FBXO11: variants seen among roughly 807,000 people sequenced by gnomAD.
FBXO11 encodes the protein F-box protein 11.
Under a neutral mutation model 117.0 loss-of-function variants are expected in FBXO11, and 13 were observed. The ratio of observed to expected loss-of-function variants is 0.11; its 90% confidence interval spans 0.07 to 0.18. FBXO11 has a LOEUF of 0.18. FBXO11 is among the 10% of genes least tolerant of loss of function. The probability of loss-of-function intolerance (pLI) is 1.00; values close to 1 mark genes in which losing one functional copy is unlikely to be tolerated. For missense variants in FBXO11, 767 were observed against 1,164.4 expected (o/e 0.66, Z 4.97); for synonymous variants, 490 against 380.5 (o/e 1.29, Z -3.35).
intron 1 of FBXO11, among the ~76,000 whole-genome samples, chr2:47,869,493 C>T (rs941241273): frequency 6.6e-6 from 1 of 152,192 alleles, no homozygotes; most frequent in Admixed American, 6.5e-5. Flanking sequence ...TTAGCAGTAC[C>T]ATGCCCTCTA....
rs189483536 is a variant in FBXO11 at position 47,851,342 on chromosome 2, T to C, written c.233-11573A>G. 3.2e-3 allele frequency among the ~76,000 whole-genome samples: 487 copies of C among 152,214 alleles called. 3 individuals carry two copies. The highest frequency in any genetic ancestry group is 4.7e-3 in the Non-Finnish European group (317 of 68,022). On this transcript the variant is annotated intron_variant, in intron 1 of 22. Coordinates refer to ENST00000403359, the MANE Select transcript of FBXO11 (RefSeq NM_001190274.2). ...GCCAGGTTCAAGCGATTCTCCTGCC[T>C]CAGCCTCCCAAGTAGCTGGGACTAC...
intron 4 of FBXO11, 82 bp downstream of exon 4, chr2:47,838,777 C>T (rs534221158): frequency 2.2e-5 from 29 of 1,342,348 alleles, no homozygotes; most frequent in African/African-American, 1.2e-4. Context: ...ACCAACTCAC[C>T]GCACCGACTT....
chr2:47,819,100 TATA>T (rs1387480031), intron 14 of FBXO11, 22 bp from the exon 15 acceptor site: 4 of 1,608,566 alleles, frequency 2.5e-6, no homozygotes, highest in East Asian at 4.5e-5. Context: ...TTACACTGGT[TATA>T]ATATTTATCT....
rs1291866768 is a variant in FBXO11 at position 47,905,546 on chromosome 2, G to C, written c.175C>G (p.Pro59Ala). 2.4e-6 allele frequency: 3 copies of C among 1,243,076 alleles called. No individual in the cohort carries two copies. The highest frequency in any genetic ancestry group is 2.0e-6 in the Non-Finnish European group (2 of 996,454). 77.0% of individuals were successfully genotyped at this position (1,243,076 alleles called of 1,614,324 possible). ...PQQQQQQQPP[P>A]PPPPPPPLPQ... is the part of the protein sequence containing the mutation. ...AGCGGCGGAGGCGGCGGTGGCGGCG[G>C]CGGAGGCTGCTGCTGCTGCTGCTGC... is the stretch of plus-strand genomic sequence containing the variant. Residue 59 changes from proline to alanine, a missense_variant, in exon 1 of 23, where the codon CCG becomes GCG. Physicochemically the swap from Pro to Ala is conservative, Grantham distance 27. Around this residue, in one of 10 missense-constraint regions of FBXO11, gnomAD observed 355 missense variants for 299.8 expected, o/e 1.18. Transcript: ENST00000403359.
chr2:47,905,604 C>A lies in FBXO11; in HGVS notation c.117G>T (p.Gln39His). ...QQPPPQPPQQ[Q>H]PPQQQPPPPP... Reference sequence around the variant, plus strand: ...GCGGCGGAGGCTGCTGCTGGGGCGGCTGCTGCTGGGGCGGCTGCGGCGGCG... The same window carrying A: ...GCGGCGGAGGCTGCTGCTGGGGCGGATGCTGCTGGGGCGGCTGCGGCGGCG... Residue 39 changes from glutamine to histidine, a missense_variant, in exon 1 of 23, where the codon CAG (glutamine) becomes CAT (histidine). This residue lies in a region of FBXO11 where 355 missense variants were observed against 299.8 expected (regional missense o/e 1.18). Transcript: ENST00000403359. 1 of 1,315,360 alleles carries A rather than the reference C, an allele frequency of 7.6e-7. No individual in the cohort carries two copies. The allele number at this position is 1,315,360 out of a possible 1,614,324, so 81.5% of individuals were successfully genotyped here. A position where few individuals can be genotyped will look rare whatever the true frequency, so the allele number is the denominator to read the frequency against.
rs187199117 is a variant in FBXO11 at position 47,845,019 on chromosome 2, T to G, written c.233-5250A>C. 6.7e-4 allele frequency among the ~76,000 whole-genome samples: 102 copies of G among 152,324 alleles called. 1 individual carries two copies. The East Asian group carries it at 0.015, about 22-fold the overall frequency. On this transcript the variant is annotated intron_variant, in intron 1 of 22. Transcript: ENST00000403359. ...TCTATCAGCTTGTTTGCCATTTCCT[T>G]CAGTAGTCAGTCCAATTCTACAACA...
rs984510612 is a variant in FBXO11, at chr2:47,828,799, AC to A, written c.1398+3549del. On this transcript the variant is annotated intron_variant, in intron 11 of 22. Transcript: ENST00000403359. ...GTGCTGGGAACTAACCAATGTTAGTACCTTAGACTTTCAATGAAGTGTAGTT... is the reference window on the plus strand; with the variant it reads ...GTGCTGGGAACTAACCAATGTTAGTACTTAGACTTTCAATGAAGTGTAGTT... Among the ~76,000 whole-genome samples the A allele has an allele frequency of 1.6e-4, 25 of 152,334 alleles. 1 individual carries two copies. The highest frequency in any genetic ancestry group is 6.0e-4 in the African/African-American group (25 of 41,572).
rs144580894 is a variant in FBXO11 at position 47,809,030 on chromosome 2, A to C, written c.2555+128T>G. 4.7e-4 allele frequency: 280 copies of C among 593,216 alleles called. 2 individuals carry two copies. The East Asian group carries it at 8.3e-3, about 18-fold the overall frequency. 36.7% of individuals were successfully genotyped at this position (593,216 alleles called of 1,614,324 possible). A position where few individuals can be genotyped will look rare whatever the true frequency, so the allele number is the denominator to read the frequency against. On this transcript the variant is annotated intron_variant, in intron 21 of 22. Transcript: ENST00000403359. Reference sequence around the variant, plus strand: ...AGTCTTAAACACGATCTTCAAGTAGATTGATGATAAAATTTTCAGTTAGTT... The same window carrying C: ...AGTCTTAAACACGATCTTCAAGTAGCTTGATGATAAAATTTTCAGTTAGTT...
At chr2:47,852,054 C>CAAGAG (rs1363530076) in intron 1 of FBXO11, among the ~76,000 whole-genome samples, 11 of 148,378 alleles carry the variant, frequency 7.4e-5, no homozygotes, top group African/African-American at 2.7e-4. Context: ...TGCAATGGCA[C>CAAGAG]TATCTTGGCT....
chr2:47,862,576 C>T (rs1027310180), intron 1 of FBXO11, among the ~76,000 whole-genome samples: 3 of 152,134 alleles, frequency 2.0e-5, no homozygotes, highest in Non-Finnish European at 4.4e-5. Flanking sequence ...TGTGCCACCA[C>T]GCTTGGCTAA....
intron 1 of FBXO11, among the ~76,000 whole-genome samples, chr2:47,852,738 T>C (rs1408881300): frequency 1.3e-5 from 2 of 152,238 alleles, no homozygotes; most frequent in Non-Finnish European, 2.9e-5. Context: ...ACTGAAAACC[T>C]ACATGTACAG....
chr2:47,813,082 G>C (rs777704403), intron 18 of FBXO11, 152 bp downstream of exon 18: 2 of 789,280 alleles, frequency 2.5e-6, no homozygotes, highest in Non-Finnish European at 4.4e-6. Flanking sequence ...CTTAACTCTA[G>C]GCACTAATCT....
intron 1 of FBXO11, among the ~76,000 whole-genome samples, chr2:47,856,818 A>T (rs1329319903): frequency 1.3e-5 from 2 of 152,256 alleles, no homozygotes; most frequent in Non-Finnish European, 2.9e-5. Flanking sequence ...TGTAGAACTG[A>T]AACAGTACAA....
chr2:47,820,986 T>C (rs993220422), intron 13 of FBXO11, among the ~76,000 whole-genome samples: 5 of 152,244 alleles, frequency 3.3e-5, no homozygotes, highest in Non-Finnish European at 7.3e-5. Context: ...CCTAAAACTT[T>C]AATGAGGAAT....
At chr2:47,889,506 G>C (rs1677109254) in intron 1 of FBXO11, among the ~76,000 whole-genome samples, 1 of 152,142 alleles carries the variant, frequency 6.6e-6, no homozygotes, top group Non-Finnish European at 1.5e-5. Context: ...TATCAAGTGA[G>C]TGTGAGATGA....
intron 1 of FBXO11, among the ~76,000 whole-genome samples, chr2:47,862,923 C>T (rs1199385972): frequency 1.3e-5 from 2 of 151,876 alleles, no homozygotes; most frequent in Non-Finnish European, 2.9e-5. Flanking sequence ...GGTGTGGTGG[C>T]GCATGCTTGT....
intron 1 of FBXO11, among the ~76,000 whole-genome samples, chr2:47,889,494 C>G (rs1315395509): frequency 1.3e-5 from 2 of 152,166 alleles, no homozygotes; most frequent in Middle Eastern, 3.2e-3. Flanking sequence ...GGTCCGACAA[C>G]TTATCAAGTG....
At chr2:47,859,676 G>A (rs890504299) in intron 1 of FBXO11, among the ~76,000 whole-genome samples, 6 of 152,026 alleles carry the variant, frequency 3.9e-5, no homozygotes, top group Admixed American at 2.0e-4. Context: ...GTAGCTGGGG[G>A]GTTTACACCC....
At chr2:47,848,926 A>G (rs1365113260) in intron 1 of FBXO11, among the ~76,000 whole-genome samples, 1 of 152,230 alleles carries the variant, frequency 6.6e-6, no homozygotes, top group Non-Finnish European at 1.5e-5. Flanking sequence ...TTTAGGTTAT[A>G]AAGTTAAGAG....
Sources: allele counts gnomAD v4.1 joint callset (sites outside exome capture counted in the v4.1 genomes callset), GRCh38; gene constraint gnomAD v4.1.1; regional missense constraint gnomAD v4.1.1; transcripts MANE v1.5; gene names NCBI Gene and HGNC (gene_info 2026-07-23, HGNC 2026-07-21).